The following EEF1G variants were observed in gnomAD, a reference collection of about 807,000 sequenced individuals.
The protein encoded by EEF1G is eukaryotic translation elongation factor 1 gamma, also known as elongation factor 1-gamma.
EEF1G carries 14 observed loss-of-function variants against 58.3 expected under a neutral mutation model. That is an observed-to-expected ratio of 0.24 (90% CI 0.16 to 0.38). The LOEUF is 0.38. Ranked by LOEUF, EEF1G falls within the 10% of genes least tolerant of loss-of-function variation. The pLI is 1.00. For missense variants in EEF1G, 322 were observed against 550.1 expected (o/e 0.59, Z 4.15); for synonymous variants, 180 against 206.8 (o/e 0.87, Z 1.11).
At chr11:62,562,860 C>CT (rs533800801) in intron 7 of EEF1G, among the ~76,000 whole-genome samples, 5 of 152,116 alleles carry the variant, frequency 3.3e-5, no homozygotes, top group Non-Finnish European at 5.9e-5. Context: ...TGTGCTTATA[C>CT]TTTGTTGTTA....
intron 6 of EEF1G, 112 bp downstream of exon 6, chr11:62,567,287 T>C (rs1941568718): frequency 7.2e-7 from 1 of 1,396,374 alleles, no homozygotes; most frequent in Non-Finnish European, 9.6e-7. Context: ...ATTGACACCC[T>C]ACATTCTGCA....
intron 5 of EEF1G, 130 bp downstream of exon 5, chr11:62,570,835 C>T: frequency 7.8e-7 from 1 of 1,276,708 alleles, no homozygotes. Context: ...GGATTACAGG[C>T]ATGAGCCACT....
chr11:62,567,285 C>A, intron 6 of EEF1G, 114 bp downstream of exon 6: 1 of 1,383,110 alleles, frequency 7.2e-7, no homozygotes, highest in Non-Finnish European at 9.7e-7. Flanking sequence ...ACATTGACAC[C>A]CTACATTCTG....
At chr11:62,565,981 G>A (rs144460337) in intron 7 of EEF1G, among the ~76,000 whole-genome samples, 47 of 152,200 alleles carry the variant, frequency 3.1e-4, no homozygotes, top group Admixed American at 5.9e-4. Flanking sequence ...AAAGATGAAC[G>A]GCTTTGGAAA....
intron 5 of EEF1G, among the ~76,000 whole-genome samples, chr11:62,570,717 G>A (rs1214315566): frequency 1.3e-5 from 2 of 151,988 alleles, no homozygotes; most frequent in African/African-American, 2.4e-5. Context: ...ACCACACCTG[G>A]CTAATTTTTT....
intron 1 of EEF1G, 115 bp downstream of exon 1, chr11:62,573,715 AC>A (rs1941666006): frequency 1.6e-5 from 23 of 1,426,116 alleles, no homozygotes; most frequent in Non-Finnish European, 2.2e-5. Flanking sequence ...CAGTCTGTAG[AC>A]CCCCGAATCA....
intron 2 of EEF1G, 74 bp from the exon 3 acceptor site, chr11:62,571,975 G>A: frequency 7.8e-7 from 1 of 1,284,910 alleles, no homozygotes; most frequent in Non-Finnish European, 1.1e-6. Flanking sequence ...GAGCCAAACT[G>A]CTTTGAAAAT....
chr11:62,568,747 C>A (rs1288741825), intron 5 of EEF1G, among the ~76,000 whole-genome samples: 1 of 151,332 alleles, frequency 6.6e-6, no homozygotes, highest in Non-Finnish European at 1.5e-5. Flanking sequence ...CCGAGGCGGG[C>A]AGATAACCTG....
chr11:62,559,888 C>A (rs1040550065), intron 9 of EEF1G, 51 bp from the exon 10 acceptor site: 17 of 1,613,198 alleles, frequency 1.1e-5, no homozygotes, highest in Non-Finnish European at 1.4e-5. Flanking sequence ...CCACCCCACA[C>A]CTGTGTTACT....
At chr11:62,559,894 T>C in intron 9 of EEF1G, 57 bp from the exon 10 acceptor site, 1 of 1,612,944 alleles carries the variant, frequency 6.2e-7, no homozygotes, top group Non-Finnish European at 8.5e-7. Context: ...CACACCTGTG[T>C]TACTTCCAGC....
chr11:62,569,104 C>A (rs1028126545), intron 5 of EEF1G, among the ~76,000 whole-genome samples: 1 of 152,100 alleles, frequency 6.6e-6, no homozygotes, highest in Non-Finnish European at 1.5e-5. Context: ...CACACACACC[C>A]CCCACACCCA....
rs1335726607 is a variant in EEF1G, at chr11:62,566,824, A to T, written c.839T>A (p.Phe280Tyr). 6.2e-7 allele frequency: 1 copy of T among 1,613,496 alleles called. No individual in the cohort carries two copies. The highest frequency in any genetic ancestry group is 8.5e-7 in the Non-Finnish European group (1 of 1,179,710). ...LAAEPKAKDP[F>Y]AHLPKSTFVL... Reference sequence around the variant, plus strand: ...TCCTTACCTCTTGGGCAGGTGAGCGAAGGGGTCCTTGGCCTTGGGCTCAGC... The same window carrying T: ...TCCTTACCTCTTGGGCAGGTGAGCGTAGGGGTCCTTGGCCTTGGGCTCAGC... Residue 280 changes from phenylalanine to tyrosine, a missense_variant, in exon 7 of 10, where the codon TTC becomes TAC. Physicochemically the swap from Phe to Tyr is conservative, Grantham distance 22. Coordinates refer to ENST00000329251, the MANE Select transcript of EEF1G (RefSeq NM_001404.5).
chr11:62,571,552 G>A lies in EEF1G; in HGVS notation c.366C>T (p.His122=). The stretch of plus-strand genomic sequence containing the variant: ...TTCCAAGGCTCACCTGTTTGTTGTG[G>A]TGCATGATGCCCAAGGTGGGGAACA... ...TWVFPTLGIM[H]HNKQATENAK... is the part of the protein sequence containing the mutation. Residue 122 remains histidine, a synonymous_variant, in exon 4 of 10, where the codon CAC becomes CAT. Transcript: ENST00000329251. 2 of 1,596,076 alleles carry A rather than the reference G, an allele frequency of 1.3e-6. No individual in the cohort carries two copies. The highest frequency in any genetic ancestry group is 1.7e-6 in the Non-Finnish European group (2 of 1,170,952).
intron 5 of EEF1G, among the ~76,000 whole-genome samples, chr11:62,570,315 G>C (rs928415196): frequency 1.3e-5 from 2 of 152,070 alleles, no homozygotes; most frequent in African/African-American, 4.8e-5. Flanking sequence ...ACCCGCCTAG[G>C]CCTCCCAAAG....
intron 3 of EEF1G, 74 bp from the exon 4 acceptor site, chr11:62,571,756 C>G: frequency 6.4e-7 from 1 of 1,562,546 alleles, no homozygotes; most frequent in Middle Eastern, 1.7e-4. Flanking sequence ...AGAATTCCTT[C>G]ATATCCACCC....
At chr11:62,565,936 G>C (rs1372605763) in intron 7 of EEF1G, among the ~76,000 whole-genome samples, 1 of 152,184 alleles carries the variant, frequency 6.6e-6, no homozygotes, top group African/African-American at 2.4e-5. Flanking sequence ...AGATGGGAGA[G>C]GGTGAAATGT....
chr11:62,570,879 C>A lies in EEF1G; in HGVS notation c.522+86G>T, dbSNP rs113893929. The A allele has an allele frequency of 3.8e-6, 6 of 1,573,488 alleles. No homozygotes were observed. The African/African-American group carries it at 6.7e-5, about 18-fold the overall frequency. ...CTCTAGCTGTTTTCCAAGTCCTCAG[C>A]AGAATACAGGGTAACCTAGATACCT... is the stretch of plus-strand genomic sequence containing the variant. On this transcript the variant is annotated intron_variant, in intron 5 of 9. Coordinates refer to ENST00000329251, the MANE Select transcript of EEF1G (RefSeq NM_001404.5).
chr11:62,563,328 T>C lies in EEF1G; in HGVS notation c.858-2874A>G, dbSNP rs1325286075. 2.0e-5 allele frequency among the ~76,000 whole-genome samples: 3 copies of C among 151,958 alleles called. No homozygotes were observed. The East Asian group carries it at 5.9e-4, about 30-fold the overall frequency. ...CTTTTTGTATTTTTAGTAGAGACGGTATTTTTACCGTGTTAGCCAGGATGG... is the reference window on the plus strand; with the variant it reads ...CTTTTTGTATTTTTAGTAGAGACGGCATTTTTACCGTGTTAGCCAGGATGG... On this transcript the variant is annotated intron_variant, in intron 7 of 9. Transcript: ENST00000329251.
Position 62,572,587 on chromosome 11 carries a change from G to A in EEF1G, c.168C>T (p.Gly56=), listed in dbSNP as rs1264226768. The A allele has an allele frequency of 2.5e-6, 4 of 1,611,830 alleles. No individual in the cohort carries two copies. In the African/African-American group the frequency reaches 4.0e-5, roughly 16 times the overall value. ...TPEFLRKFPA[G]KVPAFEGDDG... ...TGCTCCCCATCTCCCAACTCACCTT[G>A]CCGGCAGGAAATTTGCGGAGAAATT... Residue 56 remains glycine (G), a synonymous_variant, in exon 2 of 10, where the codon GGC becomes GGT. Transcript: ENST00000329251.
Sources: gnomAD v4.1 joint callset for allele counts (sites outside exome capture counted in the v4.1 genomes callset) on GRCh38, gnomAD v4.1.1 for gene constraint, MANE v1.5 for transcripts, NCBI Gene and HGNC (gene_info 2026-07-23, HGNC 2026-07-21) for gene names.